Variants in GPR39 observed in about 807,000 individuals in gnomAD.
GPR39 encodes the protein zinc sensing receptor.
Under a neutral mutation model 18.4 loss-of-function variants are expected in GPR39, and 23 were observed. The observed-to-expected ratio is 1.25, with a 90% CI of 0.90 to 1.77. The LOEUF (loss-of-function observed/expected upper bound fraction) is 1.77. Among genes scored for constraint, GPR39 ranks in the 40% most tolerant of loss-of-function variants. The probability of loss-of-function intolerance (pLI) is 0.00; values close to 1 mark genes in which losing one functional copy is unlikely to be tolerated. For missense variants in GPR39, 647 were observed against 602.4 expected (o/e 1.07, Z -0.78); for synonymous variants, 280 against 257.9 (o/e 1.09, Z -0.82).
At chr2:132,531,314 T>C (rs1184019651) in intron 1 of GPR39, among the ~76,000 whole-genome samples, 1 of 152,212 alleles carries the variant, frequency 6.6e-6, no homozygotes, top group African/African-American at 2.4e-5. Flanking sequence ...CTATCCTAAA[T>C]ATATATGCAC....
chr2:132,585,948 G>GTTTT (rs397985921), intron 1 of GPR39, among the ~76,000 whole-genome samples: 5,770 of 62,836 alleles, frequency 0.092, 671 homozygotes, highest in East Asian at 0.47. Flanking sequence ...AGCATCCCCG[G>GTTTT]TTTTTTTTTT....
At chr2:132,511,498 A>G (rs1193325336) in intron 1 of GPR39, among the ~76,000 whole-genome samples, 1 of 152,236 alleles carries the variant, frequency 6.6e-6, no homozygotes, top group Non-Finnish European at 1.5e-5. Context: ...ATGGTTTTTA[A>G]AATTCCAAAG....
At chr2:132,566,398 T>G (rs1031373192) in intron 1 of GPR39, among the ~76,000 whole-genome samples, 1 of 151,892 alleles carries the variant, frequency 6.6e-6, no homozygotes, top group African/African-American at 2.4e-5. Flanking sequence ...AGAAGCTCTT[T>G]AGTTTAATTA....
At chr2:132,463,509 T>C (rs774818877) in intron 1 of GPR39, among the ~76,000 whole-genome samples, 9 of 151,514 alleles carry the variant, frequency 5.9e-5, no homozygotes, top group Non-Finnish European at 1.0e-4. Flanking sequence ...AAAGGTCCTA[T>C]CTTGTTAGCC....
chr2:132,607,464 T>C (rs1402687231), intron 1 of GPR39, among the ~76,000 whole-genome samples: 2 of 152,198 alleles, frequency 1.3e-5, no homozygotes, highest in Non-Finnish European at 2.9e-5. Flanking sequence ...TGGGATTCTA[T>C]TTTTAATAGC....
intron 1 of GPR39, among the ~76,000 whole-genome samples, chr2:132,499,362 C>T (rs943211554): frequency 3.7e-4 from 57 of 152,192 alleles, no homozygotes; most frequent in African/African-American, 1.3e-3. Flanking sequence ...AAAAATCAGT[C>T]GGCTGTAAGC....
intron 1 of GPR39, among the ~76,000 whole-genome samples, chr2:132,437,966 G>T (rs560002401): frequency 6.6e-6 from 1 of 152,200 alleles, no homozygotes; most frequent in Non-Finnish European, 1.5e-5. Flanking sequence ...ACTGTTTGGT[G>T]AACCATGAAG....
At chr2:132,645,030 T>C in intron 1 of GPR39, 71 bp from the exon 2 acceptor site, 8 of 1,507,330 alleles carry the variant, frequency 5.3e-6, no homozygotes, top group Non-Finnish European at 6.3e-6. Context: ...TTTATGGTTT[T>C]ATTCATTTAC....
chr2:132,612,606 AC>A (rs1183107728), intron 1 of GPR39, among the ~76,000 whole-genome samples: 1 of 152,186 alleles, frequency 6.6e-6, no homozygotes, highest in Non-Finnish European at 1.5e-5. Flanking sequence ...CCACTTCTTC[AC>A]CTATGGTTCT....
rs746345595 is a variant in GPR39, at chr2:132,417,006, GAA to G, written c.-35_-34del. 5.8e-5 allele frequency: 93 copies of G among 1,595,756 alleles called. No homozygotes were observed. The East Asian group carries it at 1.1e-3, about 18-fold the overall frequency. ...TGCTGGGAGGAGAAAGGGAAGTTGA[GAA>G]AGTCTTTGGACCTGGTAGCCTGGTG... On this transcript the variant is annotated 5_prime_UTR_variant, in exon 1 of 2. Coordinates refer to ENST00000329321, the MANE Select transcript of GPR39 (RefSeq NM_001508.3).
intron 1 of GPR39, among the ~76,000 whole-genome samples, chr2:132,566,740 T>G (rs1182154522): frequency 1.3e-5 from 2 of 152,254 alleles, no homozygotes; most frequent in African/African-American, 2.4e-5. Context: ...TTAGGGTAAG[T>G]GCTCCGGCTT....
At chr2:132,551,402 T>C (rs944120861) in intron 1 of GPR39, among the ~76,000 whole-genome samples, 2 of 152,198 alleles carry the variant, frequency 1.3e-5, no homozygotes, top group Non-Finnish European at 2.9e-5. Flanking sequence ...AGATTAGTCA[T>C]GACCCTTCCC....
intron 1 of GPR39, among the ~76,000 whole-genome samples, chr2:132,462,163 A>G (rs963461180): frequency 1.3e-5 from 2 of 152,172 alleles, no homozygotes; most frequent in Non-Finnish European, 2.9e-5. Flanking sequence ...GATGTACAGC[A>G]GTTTATTAAG....
At chr2:132,501,050 T>C (rs1186238861) in intron 1 of GPR39, among the ~76,000 whole-genome samples, 8 of 103,210 alleles carry the variant, frequency 7.8e-5, no homozygotes, top group Admixed American at 1.4e-4. Context: ...CATTTATCTT[T>C]TGTGTTTTTT....
chr2:132,575,175 T>C (rs914970892), intron 1 of GPR39, among the ~76,000 whole-genome samples: 1 of 152,244 alleles, frequency 6.6e-6, no homozygotes, highest in Non-Finnish European at 1.5e-5. Context: ...TATTCTATTG[T>C]ATGGTTTATT....
chr2:132,471,870 C>T (rs911601950), intron 1 of GPR39, among the ~76,000 whole-genome samples: 9 of 152,110 alleles, frequency 5.9e-5, no homozygotes, highest in African/African-American at 1.9e-4. Flanking sequence ...AGCCTTTGCT[C>T]AGGATTTCCA....
intron 1 of GPR39, among the ~76,000 whole-genome samples, chr2:132,432,142 G>T (rs1045828356): frequency 6.6e-6 from 1 of 152,128 alleles, no homozygotes; most frequent in Non-Finnish European, 1.5e-5. Context: ...ACCATAAACT[G>T]GGTGGTTTGT....
At chr2:132,443,903 C>G (rs1371605189) in intron 1 of GPR39, among the ~76,000 whole-genome samples, 3 of 152,134 alleles carry the variant, frequency 2.0e-5, no homozygotes, top group African/African-American at 7.2e-5. Flanking sequence ...AACCCTGTCT[C>G]TATCACAAAA....
intron 1 of GPR39, among the ~76,000 whole-genome samples, chr2:132,436,274 A>G (rs1460763981): frequency 6.6e-6 from 1 of 152,212 alleles, no homozygotes; most frequent in Non-Finnish European, 1.5e-5. Context: ...GGCAATCGAT[A>G]TATCAAAATG....
Sources: allele counts gnomAD v4.1 joint callset (sites outside exome capture counted in the v4.1 genomes callset), GRCh38; gene constraint gnomAD v4.1.1; transcripts MANE v1.5; gene names NCBI Gene and HGNC (gene_info 2026-07-23, HGNC 2026-07-21).